Variants in SAMD12 observed in about 807,000 individuals in gnomAD.
SAMD12 encodes sterile alpha motif domain-containing protein 12.
SAMD12 carries 9 observed loss-of-function variants against 15.0 expected under a neutral mutation model. The observed-to-expected ratio is 0.60, with a 90% confidence interval of 0.36 to 1.05. The LOEUF is 1.05. SAMD12 is among the 50% of genes least tolerant of loss of function. The pLI is 0.01. For missense variants in SAMD12, 230 were observed against 234.2 expected (o/e 0.98, Z 0.12); for synonymous variants, 86 against 90.1 (o/e 0.96, Z 0.25).
intron 4 of SAMD12, among the ~76,000 whole-genome samples, chr8:118,281,331 G>A (rs536007660): frequency 2.0e-5 from 3 of 152,176 alleles, no homozygotes; most frequent in Non-Finnish European, 4.4e-5. Context: ...GTCTAGTGGG[G>A]AGGAGATCCC....
rs201781369 is a variant in SAMD12, at chr8:118,384,679, G to C, written c.323-4979C>G. On this transcript the variant is annotated intron_variant, in intron 3 of 3. Coordinates refer to ENST00000314727, the MANE Select transcript of SAMD12 (RefSeq NM_207506.3). ...AGGAGGAAATCCTGGTAGCATTACT[G>C]CTATTTTTTCTTTAGAGAGCACTTG... Among the ~76,000 whole-genome samples the C allele has an allele frequency of 3.3e-5, 5 of 152,168 alleles. No homozygotes were observed. In the East Asian group the frequency reaches 9.7e-4, roughly 29 times the overall value.
At chr8:118,581,319 C>G (rs1827291829) in intron 1 of SAMD12, among the ~76,000 whole-genome samples, 1 of 152,226 alleles carries the variant, frequency 6.6e-6, no homozygotes, top group Non-Finnish European at 1.5e-5. Context: ...TAGGCATCCA[C>G]TCAAGTCCAC....
chr8:118,391,262 T>G (rs554775867), intron 3 of SAMD12, among the ~76,000 whole-genome samples: 1 of 152,358 alleles, frequency 6.6e-6, no homozygotes, highest in Non-Finnish European at 1.5e-5. Flanking sequence ...ACCAACATAA[T>G]GGAGACTATA....
At chr8:118,328,573 C>A (rs879905680) in intron 4 of SAMD12, among the ~76,000 whole-genome samples, 1 of 152,100 alleles carries the variant, frequency 6.6e-6, no homozygotes, top group African/African-American at 2.4e-5. Flanking sequence ...ATAGGAGGTA[C>A]GCAACAAAAA....
intron 4 of SAMD12, among the ~76,000 whole-genome samples, chr8:118,361,001 T>C (rs1361010829): frequency 6.6e-6 from 1 of 152,108 alleles, no homozygotes; most frequent in Non-Finnish European, 1.5e-5. Flanking sequence ...GGCCCACATG[T>C]TTAATATGAC....
Position 118,271,241 on chromosome 8 carries a change from A to G in SAMD12, c.434-73509T>C, listed in dbSNP as rs559735897. ...GGGAAGAAAACATGTCCTTCTTCAC[A>G]TGGTAGCAGGAGAGAGAAGTGCCGA... On this transcript the variant is annotated intron_variant, in intron 4 of 4. Transcript: ENST00000409003. 3.9e-5 allele frequency among the ~76,000 whole-genome samples: 6 copies of G among 152,306 alleles called. No homozygotes were observed. In the South Asian group the frequency reaches 1.2e-3, roughly 32 times the overall value.
chr8:118,370,995 G>T (rs2130679603), intron 4 of SAMD12, among the ~76,000 whole-genome samples: 1 of 152,192 alleles, frequency 6.6e-6, no homozygotes, highest in African/African-American at 2.4e-5. Context: ...GATTGGTTCT[G>T]CCTGAAAGAT....
At chr8:118,493,367 C>T (rs1225718504) in intron 2 of SAMD12, among the ~76,000 whole-genome samples, 3 of 152,194 alleles carry the variant, frequency 2.0e-5, no homozygotes, top group African/African-American at 7.2e-5. Flanking sequence ...ACATTCTTTC[C>T]TTTCACTGGC....
chr8:118,334,020 G>T (rs868073145), intron 4 of SAMD12, among the ~76,000 whole-genome samples: 12 of 152,032 alleles, frequency 7.9e-5, no homozygotes, highest in South Asian at 2.1e-4. Context: ...CACCCCTTCA[G>T]TGCCCATCCT....
chr8:118,474,235 A>G (rs1315819007), intron 2 of SAMD12, among the ~76,000 whole-genome samples: 1 of 152,168 alleles, frequency 6.6e-6, no homozygotes. Context: ...TGCTGGGATT[A>G]TAGGCATGAG....
At chr8:118,519,069 G>A (rs1825321389) in intron 2 of SAMD12, among the ~76,000 whole-genome samples, 1 of 152,150 alleles carries the variant, frequency 6.6e-6, no homozygotes, top group Non-Finnish European at 1.5e-5. Flanking sequence ...AACAGTTATT[G>A]GGGACTGAGG....
At chr8:118,450,216 G>T (rs10955887) in intron 2 of SAMD12, among the ~76,000 whole-genome samples, 3 of 152,028 alleles carry the variant, frequency 2.0e-5, no homozygotes, top group Non-Finnish European at 4.4e-5. Context: ...TGGGCATCAG[G>T]GTGTCTACAA....
At chr8:118,252,345 A>G (rs1812838257) in intron 4 of SAMD12, among the ~76,000 whole-genome samples, 1 of 152,122 alleles carries the variant, frequency 6.6e-6, no homozygotes, top group Non-Finnish European at 1.5e-5. Flanking sequence ...GGTCTGTCCA[A>G]AGATCTAGTC....
intron 2 of SAMD12, among the ~76,000 whole-genome samples, chr8:118,442,977 A>G (rs1056004175): frequency 3.3e-5 from 5 of 152,148 alleles, no homozygotes; most frequent in Admixed American, 3.3e-4. Context: ...TTACCCAAAC[A>G]CACTAAGTTG....
At chr8:118,428,706 T>C (rs1822311286) in intron 3 of SAMD12, among the ~76,000 whole-genome samples, 1 of 152,150 alleles carries the variant, frequency 6.6e-6, no homozygotes, top group African/African-American at 2.4e-5. Context: ...CTTTCTCTCG[T>C]TGGATTGCTT....
intron 2 of SAMD12, among the ~76,000 whole-genome samples, chr8:118,446,629 C>T (rs1158863431): frequency 6.6e-6 from 1 of 152,218 alleles, no homozygotes; most frequent in Admixed American, 6.5e-5. Context: ...AAATAGGCCA[C>T]ACCATTGTTA....
chr8:118,503,520 A>G (rs915226081), intron 2 of SAMD12, among the ~76,000 whole-genome samples: 15 of 152,186 alleles, frequency 9.9e-5, no homozygotes, highest in Non-Finnish European at 1.6e-4. Flanking sequence ...GAAAACTTCA[A>G]ATGAGGCTGA....
chr8:118,237,364 T>C (rs745668758), intron 4 of SAMD12, among the ~76,000 whole-genome samples: 9 of 152,192 alleles, frequency 5.9e-5, no homozygotes, highest in Non-Finnish European at 8.8e-5. Flanking sequence ...TCAGCTGCTG[T>C]TATTGTTATA....
chr8:118,414,138 A>G (rs1286271724), intron 3 of SAMD12, among the ~76,000 whole-genome samples: 3 of 152,242 alleles, frequency 2.0e-5, no homozygotes, highest in Admixed American at 2.0e-4. Flanking sequence ...ACGCATGCGT[A>G]TATAAAGAGT....
Sources: gnomAD v4.1 joint callset for allele counts (sites outside exome capture counted in the v4.1 genomes callset) on GRCh38, gnomAD v4.1.1 for gene constraint, MANE v1.5 for transcripts, NCBI Gene and HGNC (gene_info 2026-07-23, HGNC 2026-07-21) for gene names.